Variants in ZNF728 observed in about 807,000 individuals in gnomAD.
ZNF728 encodes zinc finger protein 728.
Under a neutral mutation model 12.5 loss-of-function variants are expected in ZNF728, and 12 were observed. The observed-to-expected ratio is 0.96, with a 90% CI of 0.61 to 1.55. ZNF728 has a LOEUF of 1.55. Ranked by LOEUF, ZNF728 falls within the 40% of genes most tolerant of loss-of-function variation. The pLI is 0.00. For synonymous variants in ZNF728, 205 were observed against 240.7 expected (o/e 0.85, Z 1.37); for missense variants, 692 against 719.2 (o/e 0.96, Z 0.43).
intron 2 of ZNF728, among the ~76,000 whole-genome samples, chr19:22,987,819 A>G (rs546221045): frequency 6.6e-6 from 1 of 152,242 alleles, no homozygotes; most frequent in Admixed American, 6.5e-5. Context: ...TAAATTACCA[A>G]AAAGAAATTA....
chr19:22,981,727 T>G (rs1265994828), intron 3 of ZNF728, among the ~76,000 whole-genome samples: 1 of 152,104 alleles, frequency 6.6e-6, no homozygotes, highest in East Asian at 1.9e-4. Context: ...GTTCAACATA[T>G]GCAAATCAAT....
At chr19:23,002,667 G>C (rs1453151175) in intron 1 of ZNF728, among the ~76,000 whole-genome samples, 1 of 152,114 alleles carries the variant, frequency 6.6e-6, no homozygotes, top group Admixed American at 6.5e-5. Context: ...GGAACCTCAC[G>C]GACCAAAGCT....
intron 1 of ZNF728, chr19:22,995,619 T>A (rs1969041423): frequency 6.6e-6 from 1 of 152,174 alleles, no homozygotes; most frequent in African/African-American, 2.4e-5. Context: ...GTATTTTCTG[T>A]AGAGACAAGG....
At chr19:22,983,001 T>C (rs912482430) in intron 3 of ZNF728, among the ~76,000 whole-genome samples, 7 of 151,976 alleles carry the variant, frequency 4.6e-5, no homozygotes, top group African/African-American at 7.2e-5. Flanking sequence ...AAAAGCCAAA[T>C]TGACAAACGG....
intron 1 of ZNF728, among the ~76,000 whole-genome samples, chr19:22,996,155 A>G (rs78626543): frequency 6.6e-6 from 1 of 152,154 alleles, no homozygotes; most frequent in African/African-American, 2.4e-5. Context: ...TAAGGTATGT[A>G]ATATTTTAAA....
intron 3 of ZNF728, among the ~76,000 whole-genome samples, chr19:22,980,868 C>G (rs1039906284): frequency 6.6e-6 from 1 of 152,056 alleles, no homozygotes; most frequent in African/African-American, 2.4e-5. Context: ...GGGACACAGA[C>G]AAAGCAGTGC....
rs1450255995 is a variant in ZNF728 at position 22,976,009 on chromosome 19, TTA to T, written c.1326_1327del (p.His442GlnfsTer13). The T allele has an allele frequency of 5.0e-6, 8 of 1,590,404 alleles. No homozygotes were observed. Among genetic ancestry groups the T allele is most frequent in the African/African-American group, 2.7e-5 (2 of 74,386 alleles). ...GTGTTTCTCTCCAGTATGAATTACT[TTA>T]TGTTTAGTAAGGCTCGAAAATGTAG... On this transcript the variant is annotated frameshift_variant, in exon 4 of 4. Coordinates refer to ENST00000594710, the MANE Select transcript of ZNF728 (RefSeq NM_001267716.2). LOFTEE classifies it low-confidence loss of function (END_TRUNC).
In ZNF728 at chr19:22,994,744, T is replaced by G. The variant is rs1846011; in HGVS notation, c.4-6293A>C. On this transcript the variant is annotated intron_variant, in intron 1 of 3. Transcript: ENST00000594710. The stretch of plus-strand genomic sequence containing the variant: ...GTAGGCTTTGACTCTTCTACAAAAA[T>G]TGTTGATTCGGGTGCTATCTTTTTG... Among the ~76,000 whole-genome samples the G allele has an allele frequency of 6.5e-3, 991 of 152,324 alleles. 11 individuals carry two copies. Among genetic ancestry groups the G allele is most frequent in the African/African-American group, 0.022 (933 of 41,576 alleles).
Position 22,977,056 on chromosome 19 carries a change from G to C in ZNF728, c.281C>G (p.Ser94Cys), listed in dbSNP as rs757227389. The C allele has an allele frequency of 1.9e-6, 3 of 1,612,578 alleles. No homozygotes were observed. The highest frequency in any genetic ancestry group is 2.5e-6 in the Non-Finnish European group (3 of 1,179,458). Reference sequence around the variant, plus strand: ...TCTTCTCAATATCACTTTTTGGAAAGAATCTTCTCTGCCCTGCTCTGGCCA... The same window carrying C: ...TCTTCTCAATATCACTTTTTGGAAACAATCTTCTCTGCCCTGCTCTGGCCA... ...DLWPEQGREDSFQKVILRRYE... is the reference protein window; with the variant it reads ...DLWPEQGREDCFQKVILRRYE... The change falls in exon 4 of 4, where the codon TCT becomes TGT. Residue 94 changes from serine (S) to cysteine (C), a missense_variant. Around this residue, in one of 3 missense-constraint regions of ZNF728, gnomAD observed 440 missense variants for 459.6 expected, o/e 0.96. Coordinates refer to ENST00000594710, the MANE Select transcript of ZNF728 (RefSeq NM_001267716.2).
intron 1 of ZNF728, among the ~76,000 whole-genome samples, chr19:22,988,796 A>C (rs1968948637): frequency 6.6e-6 from 1 of 152,174 alleles, no homozygotes; most frequent in African/African-American, 2.4e-5. Flanking sequence ...TCATGCCTGT[A>C]ATCCCAGCAC....
Position 22,987,411 on chromosome 19 carries a change from A to G in ZNF728, c.131-8T>C. ...GCTTAGGGGCAGCAATACCTGTTTT[A>G]TTAAAAATGAGTAACATGCATCTTG... On this transcript the variant is annotated splice_polypyrimidine_tract_variant and splice_region_variant and intron_variant, in intron 2 of 3. Transcript: ENST00000594710. The G allele has an allele frequency of 6.3e-7, 1 of 1,594,348 alleles. No individual in the cohort carries two copies. The highest frequency in any genetic ancestry group is 8.5e-7 in the Non-Finnish European group (1 of 1,172,086).
chr19:22,978,477 T>C (rs1445456774), intron 3 of ZNF728, among the ~76,000 whole-genome samples: 1 of 151,948 alleles, frequency 6.6e-6, no homozygotes, highest in South Asian at 2.1e-4. Context: ...TAACGTAACA[T>C]AAAAAAACAA....
chr19:22,978,231 T>A (rs1222503802), intron 3 of ZNF728, among the ~76,000 whole-genome samples: 1 of 150,790 alleles, frequency 6.6e-6, no homozygotes, highest in African/African-American at 2.4e-5. Flanking sequence ...CATAGTCTTA[T>A]GAGATAACCA....
intron 1 of ZNF728, among the ~76,000 whole-genome samples, chr19:22,993,665 A>G (rs1969016248): frequency 6.6e-6 from 1 of 152,228 alleles, no homozygotes; most frequent in East Asian, 1.9e-4. Flanking sequence ...ATTCTTATTT[A>G]TGTAAAGAAA....
Position 23,000,685 on chromosome 19 carries a change from T to C in ZNF728, c.3+2343A>G, listed in dbSNP as rs1030900383. ...TTCAGCTCAAACAGCCTGGTCAACA[T>C]GGCAAACCCCCATCTCTACTAAAAA... is the stretch of plus-strand genomic sequence containing the variant. On this transcript the variant is annotated intron_variant, in intron 1 of 3. Coordinates refer to ENST00000594710, the MANE Select transcript of ZNF728 (RefSeq NM_001267716.2). 9.9e-5 allele frequency among the ~76,000 whole-genome samples: 15 copies of C among 151,692 alleles called. No homozygotes were observed. In the East Asian group the frequency reaches 1.4e-3, roughly 14 times the overall value.
In ZNF728 at chr19:22,976,342, C is replaced by T. The variant is rs1226225601; in HGVS notation, c.995G>A (p.Arg332Lys). Residue 332 changes from arginine (R) to lysine (K), a missense_variant, in exon 4 of 4, where the codon AGA becomes AAA. Arg to Lys is a conservative substitution (Grantham distance 26, BLOSUM62 2). Coordinates refer to ENST00000594710, the MANE Select transcript of ZNF728 (RefSeq NM_001267716.2). Reference protein sequence around the residue: ...NRSSNLMEHKRIHTGEKPCKC... With the variant: ...NRSSNLMEHKKIHTGEKPCKC... ...GCAGGGCTTCTCTCCAGTATGAATTCTCTTATGTTCCATAAGGTTTGAGGA... is the reference window on the plus strand; with the variant it reads ...GCAGGGCTTCTCTCCAGTATGAATTTTCTTATGTTCCATAAGGTTTGAGGA... 1.9e-6 allele frequency: 3 copies of T among 1,612,500 alleles called. No individual in the cohort carries two copies. The highest frequency in any genetic ancestry group is 2.5e-6 in the Non-Finnish European group (3 of 1,179,780).
At position 22,976,965 on chromosome 19, in the gene ZNF728, C is replaced by T; in HGVS notation, c.372G>A (p.Lys124=). 1 of 1,613,382 alleles carries T rather than the reference C, an allele frequency of 6.2e-7. No individual in the cohort carries two copies. The highest frequency in any genetic ancestry group is 8.5e-7 in the Non-Finnish European group (1 of 1,179,750). The stretch of plus-strand genomic sequence containing the variant: ...GCTTATTATAACCTTTTTTGTGCAC[C>T]TTACACTCATCCACATTGGTACAAC... ...KIGCTNVDEC[K]VHKKGYNKLN... is the part of the protein sequence containing the mutation. Residue 124 remains lysine, a synonymous_variant, in exon 4 of 4, where the codon AAG becomes AAA. Transcript: ENST00000594710.
chr19:22,997,413 T>C (rs1443466688), intron 1 of ZNF728, among the ~76,000 whole-genome samples: 3 of 152,136 alleles, frequency 2.0e-5, no homozygotes, highest in African/African-American at 4.8e-5. Flanking sequence ...GAATAACTTT[T>C]TGGTAAATAA....
Position 22,976,331 on chromosome 19 carries a change from C to T in ZNF728, c.1006G>A (p.Gly336Arg), listed in dbSNP as rs770768244. 3.1e-6 allele frequency: 5 copies of T among 1,613,414 alleles called. No homozygotes were observed. Among genetic ancestry groups the T allele is most frequent in the Non-Finnish European group, 3.4e-6 (4 of 1,179,916 alleles). Residue 336 changes from glycine (G) to arginine (R), a missense_variant, in exon 4 of 4, where the codon GGA becomes AGA. Physicochemically the swap from Gly to Arg is moderately radical, Grantham distance 125. This residue lies in a region of ZNF728 where 440 missense variants were observed against 459.6 expected (regional missense o/e 0.96). Coordinates refer to ENST00000594710, the MANE Select transcript of ZNF728 (RefSeq NM_001267716.2). ...NLMEHKRIHT[G>R]EKPCKCEECG... ...TCTTCACATTTGCAGGGCTTCTCTC[C>T]AGTATGAATTCTCTTATGTTCCATA...
Sources: allele counts gnomAD v4.1 joint callset (sites outside exome capture counted in the v4.1 genomes callset), GRCh38; gene constraint gnomAD v4.1.1; regional missense constraint gnomAD v4.1.1; transcripts MANE v1.5; gene names NCBI Gene and HGNC (gene_info 2026-07-23, HGNC 2026-07-21).